The following CPQ variants were observed in gnomAD, a reference collection of about 807,000 sequenced individuals.
CPQ encodes Ser-Met dipeptidase.
In CPQ, 37 loss-of-function variants were observed where a neutral mutation model predicts 45.7. The ratio of observed to expected loss-of-function variants is 0.81; its 90% confidence interval spans 0.62 to 1.07. The LOEUF (loss-of-function observed/expected upper bound fraction) is 1.07, where lower values mean the gene tolerates loss of function less well. Ranked by LOEUF, CPQ falls within the 50% of genes least tolerant of loss-of-function variation. CPQ has a pLI of 0.00. For missense variants in CPQ, 537 were observed against 572.9 expected (o/e 0.94, Z 0.64); for synonymous variants, 186 against 205.8 (o/e 0.90, Z 0.82).
At chr8:97,119,328 C>T (rs1453967142) in intron 7 of CPQ, among the ~76,000 whole-genome samples, 4 of 72,344 alleles carry the variant, frequency 5.5e-5, no homozygotes, top group Admixed American at 1.7e-4. Context: ...GACTCCATCT[C>T]AAAAAAAAAA....
intron 7 of CPQ, among the ~76,000 whole-genome samples, chr8:97,127,931 G>A (rs1482933745): frequency 2.0e-5 from 3 of 152,150 alleles, no homozygotes; most frequent in East Asian, 1.9e-4. Flanking sequence ...TGCCCGAGAC[G>A]GGGGTGGGAA....
chr8:97,090,129 C>T (rs990826700), intron 7 of CPQ, among the ~76,000 whole-genome samples: 2 of 152,154 alleles, frequency 1.3e-5, no homozygotes, highest in African/African-American at 4.8e-5. Flanking sequence ...TTACTTCACA[C>T]GAATGGATGT....
At chr8:96,712,079 A>G (rs1266911459) in intron 1 of CPQ, among the ~76,000 whole-genome samples, 1 of 152,118 alleles carries the variant, frequency 6.6e-6, no homozygotes, top group Non-Finnish European at 1.5e-5. Flanking sequence ...TCAAGTCTGA[A>G]ATCTAATAGG....
chr8:96,891,531 A>C (rs954214517), intron 4 of CPQ, among the ~76,000 whole-genome samples: 5 of 152,162 alleles, frequency 3.3e-5, no homozygotes, highest in Admixed American at 1.3e-4. Context: ...CCCATTGAGC[A>C]ATGACAGGGG....
intron 5 of CPQ, among the ~76,000 whole-genome samples, chr8:97,011,509 T>C (rs1809484474): frequency 1.3e-5 from 2 of 152,194 alleles, no homozygotes; most frequent in South Asian, 2.1e-4. Context: ...ACTGGTCAGA[T>C]CTTCCCATGC....
intron 4 of CPQ, among the ~76,000 whole-genome samples, chr8:96,905,831 G>A (rs1812569325): frequency 6.6e-6 from 1 of 151,656 alleles, no homozygotes; most frequent in African/African-American, 2.4e-5. Context: ...TAGAAGCCAG[G>A]TTTTGTTAGT....
intron 4 of CPQ, among the ~76,000 whole-genome samples, chr8:96,956,499 T>C (rs1261096167): frequency 6.6e-6 from 1 of 152,198 alleles, no homozygotes; most frequent in Admixed American, 6.5e-5. Flanking sequence ...ATGTGACATT[T>C]GACTATGAAT....
chr8:96,908,107 C>CGT (rs35548556), intron 4 of CPQ, among the ~76,000 whole-genome samples: 49,158 of 145,512 alleles, frequency 0.34, 8,352 homozygotes, highest in Admixed American at 0.39. Flanking sequence ...CCCACTGCAA[C>CGT]GTGTGTGTGT....
chr8:96,714,400 A>G, intron 1 of CPQ, among the ~76,000 whole-genome samples: 1 of 152,036 alleles, frequency 6.6e-6, no homozygotes, highest in East Asian at 1.9e-4. Context: ...TCAAGCTCTA[A>G]AATTCTTCTA....
intron 5 of CPQ, among the ~76,000 whole-genome samples, chr8:97,014,676 A>G (rs1586494953): frequency 6.6e-6 from 1 of 151,898 alleles, no homozygotes; most frequent in South Asian, 2.1e-4. Flanking sequence ...GTACTACCCC[A>G]AATGTACTAT....
At chr8:96,814,143 A>G (rs1019145291) in intron 2 of CPQ, among the ~76,000 whole-genome samples, 1 of 152,118 alleles carries the variant, frequency 6.6e-6, no homozygotes, top group Non-Finnish European at 1.5e-5. Context: ...CAAGGATGAT[A>G]TAAACAATAA....
intron 5 of CPQ, among the ~76,000 whole-genome samples, chr8:97,002,835 ATCTG>A (rs1241636031): frequency 5.9e-5 from 9 of 152,248 alleles, no homozygotes; most frequent in African/African-American, 2.2e-4. Flanking sequence ...TGTCTTAGTG[ATCTG>A]TCTAATATTG....
chr8:96,856,872 G>A (rs1049394161), intron 3 of CPQ, among the ~76,000 whole-genome samples: 4 of 152,212 alleles, frequency 2.6e-5, no homozygotes, highest in African/African-American at 4.8e-5. Context: ...GTGAAAGCAA[G>A]GACTAGGTCT....
chr8:97,029,336 C>G (rs1288889734), intron 5 of CPQ, 67 bp from the exon 6 acceptor site: 16 of 1,451,358 alleles, frequency 1.1e-5, no homozygotes, highest in East Asian at 5.0e-5. Flanking sequence ...GATGAGGGAC[C>G]CTGCCATTTT....
intron 7 of CPQ, among the ~76,000 whole-genome samples, chr8:97,086,632 A>T (rs1227226289): frequency 6.6e-6 from 1 of 152,160 alleles, no homozygotes; most frequent in Non-Finnish European, 1.5e-5. Flanking sequence ...CCACCCTCAC[A>T]CACAGAAAAC....
chr8:96,821,198 T>A (rs181436771), intron 2 of CPQ, among the ~76,000 whole-genome samples: 149 of 150,374 alleles, frequency 9.9e-4, no homozygotes, highest in African/African-American at 3.5e-3. Context: ...TATTAATCCC[T>A]TGTCAGATGG....
At chr8:96,946,665 A>G (rs1259963029) in intron 4 of CPQ, among the ~76,000 whole-genome samples, 2 of 146,780 alleles carry the variant, frequency 1.4e-5, no homozygotes, top group Non-Finnish European at 3.0e-5. Context: ...AAATTAAACT[A>G]GTATTTCTGG....
chr8:96,753,427 A>C (rs1013017490), intron 1 of CPQ, among the ~76,000 whole-genome samples: 6 of 152,140 alleles, frequency 3.9e-5, no homozygotes, highest in African/African-American at 1.4e-4. Flanking sequence ...TATCAAAAAT[A>C]TAAATTAATT....
At chr8:96,781,108 G>T (rs1035113134) in intron 1 of CPQ, among the ~76,000 whole-genome samples, 14 of 152,130 alleles carry the variant, frequency 9.2e-5, no homozygotes, top group Admixed American at 9.2e-4. Context: ...TTTTGCATTT[G>T]TTATAGACTA....
Sources: allele counts gnomAD v4.1 joint callset (sites outside exome capture counted in the v4.1 genomes callset), GRCh38; gene constraint gnomAD v4.1.1; transcripts MANE v1.5; gene names NCBI Gene and HGNC (gene_info 2026-07-23, HGNC 2026-07-21).